The following RIMS2 variants were observed in gnomAD, a reference collection of about 807,000 sequenced individuals.
RIMS2 encodes the protein regulating synaptic membrane exocytosis 2, also known as regulating synaptic membrane exocytosis protein 2.
RIMS2 carries 59 observed loss-of-function variants against 174.4 expected under a neutral mutation model. That is an observed-to-expected ratio of 0.34 (90% CI 0.27 to 0.42). RIMS2 has a LOEUF of 0.42. RIMS2 is among the 10% of genes least tolerant of loss of function. The probability of loss-of-function intolerance (pLI) is 1.00; values close to 1 mark genes in which losing one functional copy is unlikely to be tolerated. For missense variants in RIMS2, 1,620 were observed against 1,666.3 expected (o/e 0.97, Z 0.48); for synonymous variants, 606 against 572.5 (o/e 1.06, Z -0.84).
intron 1 of RIMS2, among the ~76,000 whole-genome samples, chr8:103,636,485 G>A (rs2135396239): frequency 6.8e-6 from 1 of 146,750 alleles, no homozygotes; most frequent in East Asian, 1.9e-4. Flanking sequence ...AGATCTGTGG[G>A]AGAAACATGG....
At chr8:103,565,655 A>G (rs1024030795) in intron 1 of RIMS2, among the ~76,000 whole-genome samples, 6 of 152,206 alleles carry the variant, frequency 3.9e-5, no homozygotes, top group African/African-American at 1.2e-4. Context: ...CAAGTTGAGA[A>G]GAATGAGATG....
chr8:104,165,744 T>G (rs1156549549), intron 19 of RIMS2, among the ~76,000 whole-genome samples: 3 of 152,154 alleles, frequency 2.0e-5, no homozygotes, highest in Non-Finnish European at 4.4e-5. Context: ...GATTCCATTT[T>G]TATCAAATAT....
At chr8:104,029,529 A>G (rs1024642304) in intron 19 of RIMS2, among the ~76,000 whole-genome samples, 3 of 152,128 alleles carry the variant, frequency 2.0e-5, no homozygotes, top group Non-Finnish European at 2.9e-5. Flanking sequence ...CATTGTCTTA[A>G]GCTGATATTC....
intron 2 of RIMS2, among the ~76,000 whole-genome samples, chr8:103,741,658 A>G (rs980364543): frequency 5.3e-5 from 8 of 152,202 alleles, no homozygotes; most frequent in East Asian, 3.9e-4. Context: ...GTTTAAGTCA[A>G]TATACTAAAA....
intron 19 of RIMS2, among the ~76,000 whole-genome samples, chr8:104,116,155 T>G (rs548728968): frequency 6.6e-6 from 1 of 152,320 alleles, no homozygotes; most frequent in South Asian, 2.1e-4. Context: ...GTATTCCTGT[T>G]AATGAAGGTT....
chr8:104,208,913 C>T (rs2099093161), intron 19 of RIMS2, among the ~76,000 whole-genome samples: 1 of 152,070 alleles, frequency 6.6e-6, no homozygotes, highest in Non-Finnish European at 1.5e-5. Flanking sequence ...TTAAGTGAAG[C>T]TGAAAAGAAA....
chr8:103,762,018 A>T (rs1380582079), intron 2 of RIMS2, among the ~76,000 whole-genome samples: 1 of 144,742 alleles, frequency 6.9e-6, no homozygotes, highest in Non-Finnish European at 1.5e-5. Context: ...TACCTAATGT[A>T]AATTTTTTTT....
chr8:103,728,503 T>C (rs1213656236), intron 2 of RIMS2, among the ~76,000 whole-genome samples: 1 of 152,134 alleles, frequency 6.6e-6, no homozygotes, highest in African/African-American at 2.4e-5. Context: ...TCTTGTCTTG[T>C]TCCAGATCTA....
At chr8:104,128,344 C>A (rs1157350509) in intron 19 of RIMS2, among the ~76,000 whole-genome samples, 1 of 152,168 alleles carries the variant, frequency 6.6e-6, no homozygotes. Flanking sequence ...AAGAGTAATA[C>A]ATTTTAAATA....
At chr8:103,841,919 C>T (rs947669078) in intron 3 of RIMS2, among the ~76,000 whole-genome samples, 2 of 151,480 alleles carry the variant, frequency 1.3e-5, no homozygotes, top group South Asian at 2.1e-4. Context: ...CCTGCCACTG[C>T]ACTCCAGCTT....
intron 19 of RIMS2, among the ~76,000 whole-genome samples, chr8:104,243,972 A>G (rs2099317082): frequency 2.6e-5 from 4 of 152,108 alleles, no homozygotes; most frequent in Non-Finnish European, 5.9e-5. Context: ...GCACATGGTC[A>G]TCCCTATCTT....
chr8:104,251,546 G>C (rs762556049), intron 23 of RIMS2, 56 bp from the exon 30 acceptor site: 1 of 918,348 alleles, frequency 1.1e-6, no homozygotes, highest in African/African-American at 1.7e-5. Context: ...TATTTTACAA[G>C]TTTTTCTATG....
intron 2 of RIMS2, among the ~76,000 whole-genome samples, chr8:103,754,361 T>G (rs953647945): frequency 2.6e-5 from 4 of 152,186 alleles, no homozygotes; most frequent in African/African-American, 9.6e-5. Flanking sequence ...ATGTGGTCAG[T>G]TTTAGAATAA....
At chr8:103,630,406 T>C (rs576142513) in intron 1 of RIMS2, among the ~76,000 whole-genome samples, 6 of 151,846 alleles carry the variant, frequency 4.0e-5, no homozygotes, top group African/African-American at 1.4e-4. Context: ...ATGAAGGAAA[T>C]CTAAGAACAT....
intron 19 of RIMS2, among the ~76,000 whole-genome samples, chr8:104,077,255 A>G (rs2097313853): frequency 6.6e-6 from 1 of 152,138 alleles, no homozygotes; most frequent in South Asian, 2.1e-4. Context: ...GGTGACGATG[A>G]TGATAGGAAA....
At position 104,054,539 on chromosome 8, in the gene RIMS2, G is replaced by A. The variant is rs2096838718; in HGVS notation, c.3334+39924G>A. On this transcript the variant is annotated intron_variant, in intron 19 of 23. Coordinates refer to ENST00000504942, the Ensembl canonical transcript of RIMS2. Reference sequence around the variant, plus strand: ...GCGAAATGGATAAAATGTAGCAAAAGTTAAAATGTGCTGCTCTTGTTTTCA... The same window carrying A: ...GCGAAATGGATAAAATGTAGCAAAAATTAAAATGTGCTGCTCTTGTTTTCA... Among the ~76,000 whole-genome samples the A allele has an allele frequency of 2.0e-5, 3 of 152,010 alleles. No homozygotes were observed. The South Asian group carries it at 6.2e-4, about 31-fold the overall frequency.
intron 3 of RIMS2, among the ~76,000 whole-genome samples, chr8:103,834,410 C>CA (rs1215586390): frequency 7.0e-6 from 1 of 143,082 alleles, no homozygotes; most frequent in East Asian, 2.1e-4. Flanking sequence ...AATTATTGCT[C>CA]ACTGCAGCTT....
chr8:103,636,829 TTGGGGAG>T (rs2096096739), intron 1 of RIMS2, among the ~76,000 whole-genome samples: 1 of 115,526 alleles, frequency 8.7e-6, no homozygotes, highest in Non-Finnish European at 1.7e-5. Context: ...AATCTGCGTT[TTGGGGAG>T]GCACAGCCTT....
At chr8:103,585,748 G>A (rs1055725587) in intron 1 of RIMS2, among the ~76,000 whole-genome samples, 3 of 152,060 alleles carry the variant, frequency 2.0e-5, no homozygotes, top group African/African-American at 7.2e-5. Context: ...GGCAAGGGGA[G>A]GGAGTGCATT....
Sources: allele counts gnomAD v4.1 joint callset (sites outside exome capture counted in the v4.1 genomes callset), GRCh38; gene constraint gnomAD v4.1.1; transcripts MANE v1.5; gene names NCBI Gene and HGNC (gene_info 2026-07-23, HGNC 2026-07-21).